Variants in ATP13A5 observed in about 807,000 individuals in gnomAD.
ATP13A5 encodes the protein probable cation-transporting ATPase 13A5.
Under a neutral mutation model 150.2 loss-of-function variants are expected in ATP13A5, and 149 were observed. The observed-to-expected ratio is 0.99, with a 90% CI of 0.87 to 1.14. The LOEUF (loss-of-function observed/expected upper bound fraction) is 1.14. ATP13A5 is among the 50% of genes most tolerant of loss of function. The pLI is 0.00. For synonymous variants in ATP13A5, 497 were observed against 522.2 expected (o/e 0.95, Z 0.66); for missense variants, 1,383 against 1,449.3 (o/e 0.95, Z 0.74).
At chr3:193,296,618 T>C (rs1372144107) in intron 25 of ATP13A5, among the ~76,000 whole-genome samples, 1 of 152,142 alleles carries the variant, frequency 6.6e-6, no homozygotes, top group African/African-American at 2.4e-5. Context: ...TCAGGTAGCA[T>C]GATGCCTCCA....
chr3:193,296,666 G>A (rs969802496), intron 25 of ATP13A5, among the ~76,000 whole-genome samples: 13 of 151,822 alleles, frequency 8.6e-5, no homozygotes, highest in African/African-American at 2.7e-4. Context: ...TTGGCTATTC[G>A]TGCTCTTTTT....
intron 23 of ATP13A5, among the ~76,000 whole-genome samples, chr3:193,302,763 C>G (rs1171608068): frequency 1.3e-5 from 2 of 152,164 alleles, no homozygotes; most frequent in Non-Finnish European, 2.9e-5. Flanking sequence ...GGATTTGATC[C>G]TATGCATCTA....
chr3:193,368,468 T>C (rs113967193), intron 1 of ATP13A5, among the ~76,000 whole-genome samples: 2,891 of 151,136 alleles, frequency 0.019, 104 homozygotes, highest in African/African-American at 0.065. Context: ...ATGCAAAGGA[T>C]GTAGGATAGT....
intron 17 of ATP13A5, among the ~76,000 whole-genome samples, chr3:193,317,680 C>T (rs1719100795): frequency 6.6e-6 from 1 of 152,104 alleles, no homozygotes; most frequent in Admixed American, 6.5e-5. Flanking sequence ...TATCCTTTTA[C>T]CCTGTTTGAA....
At chr3:193,279,909 G>A (rs1717403701) in intron 27 of ATP13A5, among the ~76,000 whole-genome samples, 1 of 126,482 alleles carries the variant, frequency 7.9e-6, no homozygotes, top group Non-Finnish European at 1.6e-5. Flanking sequence ...TGGGCAATTG[G>A]AAAGGTAAAC....
intron 29 of ATP13A5, 122 bp from the exon 30 acceptor site, chr3:193,275,424 C>G (rs1406211141): frequency 9.0e-7 from 1 of 1,111,738 alleles, no homozygotes; most frequent in Non-Finnish European, 1.3e-6. Flanking sequence ...ATTGCTGTTG[C>G]ATCTACCTCT....
intron 12 of ATP13A5, among the ~76,000 whole-genome samples, chr3:193,329,300 C>T (rs950874568): frequency 2.6e-5 from 4 of 151,990 alleles, no homozygotes; most frequent in African/African-American, 9.6e-5. Context: ...TCAGATTTCT[C>T]ATTTTGCCAA....
chr3:193,313,237 G>A (rs1718920363), intron 19 of ATP13A5: 1 of 152,212 alleles, frequency 6.6e-6, no homozygotes, highest in South Asian at 2.1e-4. Context: ...TCCCAGGGTA[G>A]GGGCAGGGCC....
Position 193,315,025 on chromosome 3 carries a change from T to G in ATP13A5, c.2105A>C (p.Lys702Thr), listed in dbSNP as rs1718995900. Residue 702 changes from lysine (K) to threonine (T), a missense_variant, in exon 18 of 30, where the codon AAA (lysine) becomes ACA (threonine). By Grantham distance (78) the Lys-to-Thr change is moderately conservative. Coordinates refer to ENST00000342358, the MANE Select transcript of ATP13A5 (RefSeq NM_198505.4). The part of the protein sequence containing the change: ...IMENRLKKET[K>T]LVLKELSEAR... The stretch of plus-strand genomic sequence containing the variant: ...CTCACTCAGTTCCTTCAAGACCAGT[T>G]TGGTTTCTTTTTTCAAGCGATTCTC... 1.2e-6 allele frequency: 2 copies of G among 1,613,884 alleles called. No individual in the cohort carries two copies. Among genetic ancestry groups the G allele is most frequent in the Non-Finnish European group, 1.7e-6 (2 of 1,179,856 alleles).
chr3:193,358,293 G>GTGATTCTGTGAGAAAGTTCCCATA (rs1712867892), intron 5 of ATP13A5, among the ~76,000 whole-genome samples: 2 of 152,178 alleles, frequency 1.3e-5, no homozygotes, highest in Non-Finnish European at 2.9e-5. Context: ...AAGTTCCCAT[G>GTGATTCTGTGAGAAAGTTCCCATA]TGATTCTGTT....
chr3:193,339,874 A>G (rs1171199477), intron 9 of ATP13A5, among the ~76,000 whole-genome samples: 1 of 152,208 alleles, frequency 6.6e-6, no homozygotes, highest in Non-Finnish European at 1.5e-5. Flanking sequence ...CTGCACACAA[A>G]ACCAATGAAA....
chr3:193,360,238 T>G (rs1375341312), intron 5 of ATP13A5, among the ~76,000 whole-genome samples: 3 of 152,232 alleles, frequency 2.0e-5, no homozygotes, highest in Non-Finnish European at 2.9e-5. Flanking sequence ...TAAAGTTATT[T>G]CTCCTGATGT....
At chr3:193,366,950 G>A (rs1713261203) in intron 1 of ATP13A5, among the ~76,000 whole-genome samples, 2 of 151,876 alleles carry the variant, frequency 1.3e-5, no homozygotes, top group South Asian at 4.2e-4. Flanking sequence ...AATAACACAG[G>A]TAAGTCAAAT....
Position 193,321,736 on chromosome 3 carries a change from A to G in ATP13A5, c.1860T>C (p.His620=). 1 of 1,614,188 alleles carries G rather than the reference A, an allele frequency of 6.2e-7. No individual in the cohort carries two copies. Among genetic ancestry groups the G allele is most frequent in the Non-Finnish European group, 8.5e-7 (1 of 1,180,014 alleles). The change falls in exon 16 of 30, where the codon CAT becomes CAC. Residue 620 remains histidine (H), a synonymous_variant. Coordinates refer to ENST00000342358, the MANE Select transcript of ATP13A5 (RefSeq NM_198505.4). The stretch of plus-strand genomic sequence containing the variant: ...TTTCTGGGGCACCTTTCATGTAGAC[A>G]TGGAAATGATTCTCCCCAGCTAGCT... ...IAQLAGENHF[H]VYMKGAPEMV...
chr3:193,324,905 C>T lies in ATP13A5; in HGVS notation c.1633G>A (p.Gly545Arg), dbSNP rs142966864. The part of the protein sequence containing the change: ...SLILLNGTIQ[G>R]DPLDLKMFEG... ...AACATTTTGAGGTCCAGAGGGTCTC[C>T]CTGGATGGTCCCATTGAGAAGGATC... Residue 545 changes from glycine (G) to arginine (R), a missense_variant, in exon 14 of 30, where the codon GGA (glycine) becomes AGA (arginine). Gly to Arg is a moderately radical substitution (Grantham distance 125). Transcript: ENST00000342358. 3 of 1,614,002 alleles carry T rather than the reference C, an allele frequency of 1.9e-6. No individual in the cohort carries two copies. In the African/African-American group the frequency reaches 4.0e-5, roughly 22 times the overall value.
chr3:193,313,276 T>G (rs544042452), intron 19 of ATP13A5: 38 of 152,314 alleles, frequency 2.5e-4, no homozygotes, highest in African/African-American at 7.9e-4. Context: ...GTTTGTGTGC[T>G]GCAGAAAGAC....
At position 193,362,596 on chromosome 3, in the gene ATP13A5, G is replaced by A. The variant is rs535261451; in HGVS notation, c.426C>T (p.Asn142=). ...CTTTCTGAAACCGCTTCTCCAGGTC[G>A]TTCCAAACATACCTGATTTTCTGCA... ...MEVQKIRYVW[N]DLEKRFQKVG... is the part of the protein sequence containing the mutation. Residue 142 remains asparagine, a synonymous_variant, in exon 4 of 30, where the codon AAC becomes AAT. Transcript: ENST00000342358. 141 of 1,614,168 alleles carry A rather than the reference G, an allele frequency of 8.7e-5. 2 individuals carry two copies. The South Asian group carries it at 1.4e-3, about 15-fold the overall frequency.
chr3:193,345,186 C>T, intron 7 of ATP13A5, 111 bp from the exon 8 acceptor site: 3 of 988,014 alleles, frequency 3.0e-6, no homozygotes, highest in Non-Finnish European at 4.8e-6. Context: ...TGACTCTGGG[C>T]AAAGGACTCA....
intron 28 of ATP13A5, among the ~76,000 whole-genome samples, chr3:193,278,667 A>T (rs1056882189): frequency 2.6e-5 from 4 of 152,160 alleles, no homozygotes; most frequent in Non-Finnish European, 4.4e-5. Flanking sequence ...TCATCAATGA[A>T]ATGCCTCCCA....
Sources: allele counts gnomAD v4.1 joint callset (sites outside exome capture counted in the v4.1 genomes callset), GRCh38; gene constraint gnomAD v4.1.1; transcripts MANE v1.5; gene names NCBI Gene and HGNC (gene_info 2026-07-23, HGNC 2026-07-21).